The following CLVS1 variants were observed in gnomAD, a reference collection of about 807,000 sequenced individuals.
The protein encoded by CLVS1 is clavesin-1.
CLVS1 carries 10 observed loss-of-function variants against 33.1 expected under a neutral mutation model. The observed-to-expected ratio is 0.30, with a 90% confidence interval of 0.19 to 0.51. CLVS1 has a LOEUF of 0.51. Among genes scored for constraint, CLVS1 ranks in the 20% least tolerant of loss-of-function variants. The pLI, the probability that CLVS1 is intolerant of heterozygous loss-of-function variation, is 0.97. For synonymous variants in CLVS1, 163 were observed against 166.1 expected, an observed-to-expected ratio of 0.98 and a Z score of 0.14; for missense variants, 343 against 433.4, an observed-to-expected ratio of 0.79 and a Z score of 1.85.
chr8:61,494,712 T>C (rs1049987519), intron 5 of CLVS1, among the ~76,000 whole-genome samples: 1 of 152,210 alleles, frequency 6.6e-6, no homozygotes, highest in African/African-American at 2.4e-5. Flanking sequence ...CAGCCAAATA[T>C]ACTGAGGGCA....
chr8:61,212,797 G>A (rs145673979), intron 2 of CLVS1, among the ~76,000 whole-genome samples: 8 of 152,144 alleles, frequency 5.3e-5, no homozygotes, highest in South Asian at 2.1e-4. Context: ...GCAGGGAGGC[G>A]CCTTGGAGAT....
At chr8:60,989,630 T>C in the CLVS1 span, among the ~76,000 whole-genome samples, 1 of 152,236 alleles carries the variant, frequency 6.6e-6, no homozygotes, top group Admixed American at 6.5e-5. Flanking sequence ...GGCGTTTCAA[T>C]GTCCACTATC....
At chr8:61,000,711 T>C in the CLVS1 span, among the ~76,000 whole-genome samples, 1 of 152,208 alleles carries the variant, frequency 6.6e-6, no homozygotes, top group Admixed American at 6.5e-5. Context: ...ACAAACCTTG[T>C]GGGGTTTTCC....
chr8:61,259,370 G>A (rs1461910958), intron 2 of CLVS1, among the ~76,000 whole-genome samples: 1 of 152,136 alleles, frequency 6.6e-6, no homozygotes, highest in Non-Finnish European at 1.5e-5. Flanking sequence ...GATGTCAGAG[G>A]GGTTCCTGAC....
Position 61,499,920 on chromosome 8 carries a change from T to TTAAG in CLVS1, c.*380_*383dup, listed in dbSNP as rs1403792231. On this transcript the variant is annotated 3_prime_UTR_variant, in exon 6 of 6. Coordinates refer to ENST00000325897, the MANE Select transcript of CLVS1 (RefSeq NM_173519.3). Reference sequence around the variant, plus strand: ...AGGGACCCTCTCCAGTTTTTGAAAATTAAGTGCATTTCCAAGTAAATGTAT... The same window carrying TTAAG: ...AGGGACCCTCTCCAGTTTTTGAAAATTAAGTAAGTGCATTTCCAAGTAAATGTAT... The TTAAG allele has an allele frequency of 1.2e-5, 2 of 173,132 alleles. No individual in the cohort carries two copies. The highest frequency in any genetic ancestry group is 5.6e-5 in the Admixed American group (1 of 17,758). 10.7% of individuals were successfully genotyped at this position (173,132 alleles called of 1,614,324 possible).
intron 3 of CLVS1, among the ~76,000 whole-genome samples, chr8:61,392,899 T>C (rs1390714397): frequency 1.3e-5 from 2 of 152,252 alleles, no homozygotes; most frequent in African/African-American, 4.8e-5. Context: ...TTTTTATTTT[T>C]TGAGAAAGAG....
rs1808248516 is a variant in CLVS1, at chr8:61,222,924, T to G, written c.-151-76753T>G. ...TTCCTTTACCATTATGTAATGCCCTTTTTTGTCTTTTTTTTTTTTTTATCT... is the reference window on the plus strand; with the variant it reads ...TTCCTTTACCATTATGTAATGCCCTGTTTTGTCTTTTTTTTTTTTTTATCT... On this transcript the variant is annotated intron_variant, in intron 2 of 2. Coordinates refer to the CLVS1 transcript ENST00000522621. Among the ~76,000 whole-genome samples the G allele has an allele frequency of 2.9e-5, 3 of 104,348 alleles. No individual in the cohort carries two copies. In the South Asian group the frequency reaches 1.2e-3, roughly 42 times the overall value. The allele number at this position is 104,348 out of a possible 152,430, so 68.5% of individuals were successfully genotyped here.
At chr8:61,074,429 A>G (rs1453982719) in intron 1 of CLVS1, among the ~76,000 whole-genome samples, 1 of 141,232 alleles carries the variant, frequency 7.1e-6, no homozygotes, top group Admixed American at 7.2e-5. Context: ...GTGTATATAT[A>G]TATGTTATAT....
intron 5 of CLVS1, among the ~76,000 whole-genome samples, chr8:61,490,275 A>G (rs1804023385): frequency 6.6e-6 from 1 of 151,240 alleles, no homozygotes; most frequent in Admixed American, 6.6e-5. Context: ...GTGAGCCAAG[A>G]TTGCGCCACT....
chr8:61,168,499 T>A (rs1305213041), intron 2 of CLVS1, among the ~76,000 whole-genome samples: 1 of 152,202 alleles, frequency 6.6e-6, no homozygotes, highest in Non-Finnish European at 1.5e-5. Flanking sequence ...AGAAAATAAT[T>A]ATATTTTAGA....
intron 2 of CLVS1, among the ~76,000 whole-genome samples, chr8:61,232,023 G>GTTTGTTTTTT: frequency 2.1e-4 from 13 of 62,656 alleles, no homozygotes; most frequent in East Asian, 1.0e-3. Context: ...GAAAGTTGTG[G>GTTTGTTTTTT]TTTTTTTTTT....
rs55718731 is a variant in CLVS1 at position 61,226,980 on chromosome 8, G to GT, written c.-151-72680dup. Among the ~76,000 whole-genome samples the GT allele has an allele frequency of 5.2e-3, 682 of 132,318 alleles. 5 individuals carry two copies. The highest frequency in any genetic ancestry group is 0.019 in the Middle Eastern group (5 of 258). The allele number at this position is 132,318 out of a possible 152,430, so 86.8% of individuals were successfully genotyped here. On this transcript the variant is annotated intron_variant, in intron 2 of 2. Coordinates refer to the CLVS1 transcript ENST00000522621. The stretch of plus-strand genomic sequence containing the variant: ...AACACCTGCTATATTACGAAAACAT[G>GT]TTTTTTTTTTTTTTTTTGTTCAGCT...
At chr8:61,317,563 T>G (rs1811056021) in intron 2 of CLVS1, among the ~76,000 whole-genome samples, 1 of 152,176 alleles carries the variant, frequency 6.6e-6, no homozygotes, top group Admixed American at 6.5e-5. Flanking sequence ...TGTTGTTCCA[T>G]CTCTATTTCC....
At chr8:61,394,178 C>T (rs1160751975) in intron 3 of CLVS1, among the ~76,000 whole-genome samples, 1 of 152,224 alleles carries the variant, frequency 6.6e-6, no homozygotes, top group Non-Finnish European at 1.5e-5. Context: ...GAAACACTAT[C>T]TCCTCTAAAA....
intron 2 of CLVS1, among the ~76,000 whole-genome samples, chr8:61,275,761 T>C (rs1224237815): frequency 1.3e-5 from 2 of 152,194 alleles, no homozygotes; most frequent in African/African-American, 4.8e-5. Context: ...TTAAAGTTAG[T>C]CTCTCAAAGG....
At chr8:61,120,491 C>G (rs935645651) in intron 1 of CLVS1, among the ~76,000 whole-genome samples, 2 of 115,462 alleles carry the variant, frequency 1.7e-5, no homozygotes, top group East Asian at 2.9e-4. Context: ...GTTTTTTCCC[C>G]ATCTTTGTGG....
At chr8:61,035,956 T>C in the CLVS1 span, among the ~76,000 whole-genome samples, 2 of 152,172 alleles carry the variant, frequency 1.3e-5, no homozygotes, top group Admixed American at 1.3e-4. Flanking sequence ...TCTGGGTAGG[T>C]TGATACTGTT....
chr8:61,090,784 A>AT, intron 1 of CLVS1: 2 of 478,564 alleles, frequency 4.2e-6, no homozygotes, highest in South Asian at 3.2e-5. Context: ...ACAGAGAAGA[A>AT]TTTTCCTCTA....
chr8:61,264,309 A>T (rs1428965896), intron 2 of CLVS1, among the ~76,000 whole-genome samples: 1 of 152,064 alleles, frequency 6.6e-6, no homozygotes, highest in Admixed American at 6.6e-5. Context: ...ACGATATGAA[A>T]TGGGGTCTGC....
Sources: allele counts gnomAD v4.1 joint callset (sites outside exome capture counted in the v4.1 genomes callset), GRCh38; gene constraint gnomAD v4.1.1; transcripts MANE v1.5; gene names NCBI Gene and HGNC (gene_info 2026-07-23, HGNC 2026-07-21).